Variants in ENTREP2 observed in about 807,000 individuals in gnomAD.
The protein encoded by ENTREP2 is protein ENTREP2.
the ENTREP2 span, among the ~76,000 whole-genome samples, chr15:29,277,245 G>A: frequency 2.0e-4 from 30 of 152,084 alleles, no homozygotes; most frequent in Middle Eastern, 3.4e-3. Flanking sequence ...TCGGGAGGCT[G>A]AGGCAGGAAT....
chr15:29,436,892 TA>T, the ENTREP2 span, among the ~76,000 whole-genome samples: 1 of 152,256 alleles, frequency 6.6e-6, no homozygotes, highest in Non-Finnish European at 1.5e-5. Flanking sequence ...ATCCAGTCTT[TA>T]GACAGAATTT....
the ENTREP2 span, among the ~76,000 whole-genome samples, chr15:29,403,951 G>C: frequency 2.0e-5 from 3 of 152,160 alleles, no homozygotes; most frequent in African/African-American, 7.2e-5. Context: ...TGCAGGGCCC[G>C]CAGGCTGCTC....
chr15:29,330,265 G>A, the ENTREP2 span, among the ~76,000 whole-genome samples: 11 of 151,246 alleles, frequency 7.3e-5, no homozygotes, highest in African/African-American at 1.9e-4. Flanking sequence ...GGTGAAACCC[G>A]GCCTCTACTA....
the ENTREP2 span, among the ~76,000 whole-genome samples, chr15:29,180,796 TAAAG>T: frequency 6.6e-6 from 1 of 151,214 alleles, no homozygotes; most frequent in Admixed American, 6.6e-5. Flanking sequence ...TAAGGAAAAT[TAAAG>T]AAGTCTCAGA....
chr15:29,234,032 G>T, the ENTREP2 span: 5 of 1,469,650 alleles, frequency 3.4e-6, no homozygotes, highest in Non-Finnish European at 4.8e-6. Flanking sequence ...TCTGGGTCAA[G>T]ATCTTCCTCA....
chr15:29,566,316 GC>G, the ENTREP2 span, among the ~76,000 whole-genome samples: 2 of 149,658 alleles, frequency 1.3e-5, no homozygotes, highest in African/African-American at 4.9e-5. Context: ...CTGCCACCAC[GC>G]CCAGCTAGTT....
the ENTREP2 span, chr15:29,124,546 A>C: frequency 7.6e-6 from 5 of 655,020 alleles, no homozygotes; most frequent in Non-Finnish European, 1.3e-5. Flanking sequence ...AAAGGCCCTC[A>C]AAGCCAGACA....
At chr15:29,546,734 CA>C in the ENTREP2 span, among the ~76,000 whole-genome samples, 1 of 151,312 alleles carries the variant, frequency 6.6e-6, no homozygotes, top group Non-Finnish European at 1.5e-5. Context: ...AAAATACAAA[CA>C]AATTAGCTGG....
the ENTREP2 span, among the ~76,000 whole-genome samples, chr15:29,198,885 A>T: frequency 6.6e-6 from 1 of 152,262 alleles, no homozygotes; most frequent in Non-Finnish European, 1.5e-5. Flanking sequence ...GGCATCTTTC[A>T]TTCAAAATTA....
chr15:29,235,157 G>A, the ENTREP2 span: 43 of 797,026 alleles, frequency 5.4e-5, no homozygotes, highest in Non-Finnish European at 8.5e-5. Context: ...TGAGCGAGGT[G>A]GGAGGGGAGA....
At chr15:29,665,145 C>T in the ENTREP2 span, among the ~76,000 whole-genome samples, 1 of 152,246 alleles carries the variant, frequency 6.6e-6, no homozygotes, top group Non-Finnish European at 1.5e-5. Context: ...GAGACCTCTG[C>T]AGGGGCAGTG....
chr15:29,551,366 C>T, the ENTREP2 span, among the ~76,000 whole-genome samples: 97 of 152,284 alleles, frequency 6.4e-4, 1 homozygote, highest in South Asian at 0.019. Flanking sequence ...CTTGTCACTG[C>T]CCATCGGTGA....
At chr15:29,436,098 CA>C in the ENTREP2 span, among the ~76,000 whole-genome samples, 1 of 152,170 alleles carries the variant, frequency 6.6e-6, no homozygotes, top group Non-Finnish European at 1.5e-5. Flanking sequence ...TGAGAACATG[CA>C]GAGTTCCTGC....
At chr15:29,373,231 G>C in the ENTREP2 span, among the ~76,000 whole-genome samples, 1 of 152,140 alleles carries the variant, frequency 6.6e-6, no homozygotes, top group African/African-American at 2.4e-5. Flanking sequence ...AGGAGGGACA[G>C]TGACAGTGAA....
the ENTREP2 span, among the ~76,000 whole-genome samples, chr15:29,203,817 G>A: frequency 6.6e-6 from 1 of 152,004 alleles, no homozygotes; most frequent in Non-Finnish European, 1.5e-5. Flanking sequence ...ACTCTCCCAC[G>A]TCTCAAAAAC....
At chr15:29,268,644 A>C in the ENTREP2 span, 1 of 673,782 alleles carries the variant, frequency 1.5e-6, no homozygotes, top group Non-Finnish European at 2.3e-6. Context: ...TTAAAAAAAC[A>C]AAACTTTGCA....
the ENTREP2 span, among the ~76,000 whole-genome samples, chr15:29,328,298 G>A: frequency 2.6e-5 from 4 of 152,290 alleles, no homozygotes; most frequent in East Asian, 1.9e-4. Flanking sequence ...AATAAGTGAA[G>A]TCCAGAGAAT....
At chr15:29,649,170 T>TA in the ENTREP2 span, among the ~76,000 whole-genome samples, 1 of 151,438 alleles carries the variant, frequency 6.6e-6, no homozygotes, top group Non-Finnish European at 1.5e-5. Flanking sequence ...CAGAGAGGCC[T>TA]AAAAAAAGGG....
At chr15:29,477,995 A>G in the ENTREP2 span, among the ~76,000 whole-genome samples, 2 of 75,268 alleles carry the variant, frequency 2.7e-5, no homozygotes, top group Non-Finnish European at 4.7e-5. Context: ...AAATTTAACT[A>G]TATATATATA....
Sources: allele counts gnomAD v4.1 joint callset (sites outside exome capture counted in the v4.1 genomes callset), GRCh38; gene constraint gnomAD v4.1.1; transcripts MANE v1.5; gene names NCBI Gene and HGNC (gene_info 2026-07-23, HGNC 2026-07-21).